The following ZFAT variants were observed in gnomAD, a reference collection of about 807,000 sequenced individuals.
ZFAT encodes zinc finger and AT-hook domain containing.
Under a neutral mutation model 117.7 loss-of-function variants are expected in ZFAT, and 64 were observed. The observed-to-expected ratio is 0.54, with a 90% CI of 0.44 to 0.67. The LOEUF (loss-of-function observed/expected upper bound fraction) is 0.67, where lower values mean the gene tolerates loss of function less well. ZFAT is among the 30% of genes least tolerant of loss of function. ZFAT has a pLI of 0.00. For missense variants in ZFAT, 1,433 were observed against 1,584.5 expected, an observed-to-expected ratio of 0.90 and a Z score of 1.62; for synonymous variants, 679 against 615.0, an observed-to-expected ratio of 1.10 and a Z score of -1.54.
At chr8:134,712,718 C>CGCGGCCGGCGGCCGGCGGCCG (rs753541906) in intron 1 of ZFAT, 127 bp downstream of exon 1, 49 of 825,054 alleles carry the variant, frequency 5.9e-5, no homozygotes, top group African/African-American at 1.3e-4. Flanking sequence ...CGGATCCCTC[C>CGCGGCCGGCGGCCGGCGGCCG]GCGGCCGGCG....
intron 15 of ZFAT, among the ~76,000 whole-genome samples, chr8:134,479,324 C>T (rs1271785689): frequency 6.6e-6 from 1 of 152,200 alleles, no homozygotes; most frequent in African/African-American, 2.4e-5. Flanking sequence ...CTGGTGGAAA[C>T]TCACTGCCAC....
At chr8:134,802,326 A>T in the ZFAT span, among the ~76,000 whole-genome samples, 1 of 152,224 alleles carries the variant, frequency 6.6e-6, no homozygotes, top group African/African-American at 2.4e-5. Flanking sequence ...ACAGCAAATA[A>T]TGCACATTGA....
At chr8:134,521,460 C>T (rs541852917) in intron 12 of ZFAT, among the ~76,000 whole-genome samples, 5 of 152,152 alleles carry the variant, frequency 3.3e-5, no homozygotes, top group East Asian at 3.8e-4. Flanking sequence ...GTCTCCTTCA[C>T]GTCAGAAGCT....
chr8:134,778,698 A>G, the ZFAT span, among the ~76,000 whole-genome samples: 1 of 152,256 alleles, frequency 6.6e-6, no homozygotes, highest in Non-Finnish European at 1.5e-5. Flanking sequence ...GGAAGCACAG[A>G]CAAGGGTATC....
chr8:134,554,357 G>A (rs532724099), intron 11 of ZFAT, among the ~76,000 whole-genome samples: 1 of 152,318 alleles, frequency 6.6e-6, no homozygotes, highest in South Asian at 2.1e-4. Flanking sequence ...GATTGCCAAG[G>A]ATACAAAGAA....
At chr8:134,497,566 G>T (rs1356148664) in intron 15 of ZFAT, among the ~76,000 whole-genome samples, 4 of 34,590 alleles carry the variant, frequency 1.2e-4, no homozygotes, top group Admixed American at 2.1e-4. Flanking sequence ...GGTGGAGCCG[G>T]GATGCCCCAG....
At chr8:134,663,472 C>T (rs1356213049) in intron 1 of ZFAT, among the ~76,000 whole-genome samples, 1 of 152,152 alleles carries the variant, frequency 6.6e-6, no homozygotes, top group African/African-American at 2.4e-5. Context: ...TAAAAAATAA[C>T]TTCTGCCTGT....
intron 4 of ZFAT, among the ~76,000 whole-genome samples, chr8:134,609,270 C>T (rs1434803236): frequency 6.6e-6 from 1 of 151,968 alleles, no homozygotes; most frequent in African/African-American, 2.4e-5. Context: ...ATCCAATTTA[C>T]CCCTTGTTTC....
At chr8:134,651,756 T>C (rs151124066) in intron 2 of ZFAT, among the ~76,000 whole-genome samples, 1 of 152,272 alleles carries the variant, frequency 6.6e-6, no homozygotes, top group African/African-American at 2.4e-5. Context: ...TCTTCTAAAA[T>C]TTATAAAAAT....
chr8:134,785,982 T>A, the ZFAT span: 2 of 152,330 alleles, frequency 1.3e-5, no homozygotes, highest in East Asian at 3.9e-4. Flanking sequence ...AAATCTTGCA[T>A]ATTTTTATTG....
the ZFAT span, among the ~76,000 whole-genome samples, chr8:134,742,035 C>A: frequency 6.6e-6 from 1 of 152,148 alleles, no homozygotes; most frequent in South Asian, 2.1e-4. Context: ...TGGGAACAGC[C>A]CTAACCAAGC....
At chr8:134,772,194 C>T in the ZFAT span, among the ~76,000 whole-genome samples, 4 of 152,308 alleles carry the variant, frequency 2.6e-5, no homozygotes, top group African/African-American at 9.6e-5. Context: ...GGAAGAGTCA[C>T]ATGTCTCTCA....
chr8:134,500,787 G>A (rs935783185), intron 15 of ZFAT, among the ~76,000 whole-genome samples: 2 of 152,220 alleles, frequency 1.3e-5, no homozygotes, highest in African/African-American at 4.8e-5. Context: ...GTAACCTATT[G>A]CCAAGACTCT....
the ZFAT span, among the ~76,000 whole-genome samples, chr8:134,748,155 C>T: frequency 6.6e-6 from 1 of 152,082 alleles, no homozygotes; most frequent in Non-Finnish European, 1.5e-5. Flanking sequence ...AGCAATCATC[C>T]CCCAGGCCAA....
chr8:134,653,216 C>T (rs189969494), intron 2 of ZFAT, among the ~76,000 whole-genome samples: 156 of 131,326 alleles, frequency 1.2e-3, no homozygotes, highest in African/African-American at 4.3e-3. Context: ...ATGTGCACAA[C>T]GTGCAGGTTT....
the ZFAT span, chr8:134,795,635 C>T: frequency 2.6e-5 from 4 of 152,158 alleles, no homozygotes; most frequent in African/African-American, 9.7e-5. Context: ...CCTTTGGGAA[C>T]TAAATGGGAC....
chr8:134,681,135 C>G (rs1305711226), intron 1 of ZFAT, among the ~76,000 whole-genome samples: 1 of 152,192 alleles, frequency 6.6e-6, no homozygotes, highest in East Asian at 1.9e-4. Flanking sequence ...CAGAGGCACA[C>G]ACAGAATGCA....
chr8:134,808,681 A>G, the ZFAT span, among the ~76,000 whole-genome samples: 1 of 152,214 alleles, frequency 6.6e-6, no homozygotes, highest in Non-Finnish European at 1.5e-5. Flanking sequence ...TCCAACAACA[A>G]AGTACACTTT....
intron 1 of ZFAT, among the ~76,000 whole-genome samples, chr8:134,667,259 C>T (rs1048123068): frequency 6.6e-6 from 1 of 151,934 alleles, no homozygotes; most frequent in Non-Finnish European, 1.5e-5. Context: ...TTTGGGAGGC[C>T]GAGATGGGCG....
Sources: gnomAD v4.1 joint callset for allele counts (sites outside exome capture counted in the v4.1 genomes callset) on GRCh38, gnomAD v4.1.1 for gene constraint, MANE v1.5 for transcripts, NCBI Gene and HGNC (gene_info 2026-07-23, HGNC 2026-07-21) for gene names.